Variants in KAZN observed in about 807,000 individuals in gnomAD.
The protein encoded by KAZN is kazrin, periplakin interacting protein.
Under a neutral mutation model 87.4 loss-of-function variants are expected in KAZN, and 40 were observed. That is an observed-to-expected ratio of 0.46 (90% CI 0.36 to 0.60). KAZN has a LOEUF of 0.60. KAZN is among the 20% of genes least tolerant of loss of function. KAZN has a pLI of 0.00. For synonymous variants in KAZN, 466 were observed against 458.3 expected (o/e 1.02, Z -0.22); for missense variants, 898 against 1,073.9 (o/e 0.84, Z 2.29).
At chr1:14,810,496 C>G (rs1417657860) in intron 1 of KAZN, among the ~76,000 whole-genome samples, 1 of 152,146 alleles carries the variant, frequency 6.6e-6, no homozygotes. Context: ...GAATGAATCT[C>G]AAAGTTCCAC....
chr1:13,919,851 A>G lies in KAZN; in HGVS notation c.91+26095A>G, dbSNP rs115191376. ...ATATTTCTCATAGGCCACCACACCC[A>G]GCCTATGTTATCTTTTAGAAGCTTT... is the stretch of plus-strand genomic sequence containing the variant. On this transcript the variant is annotated intron_variant, in intron 1 of 16. Transcript: ENST00000636203. 9.3e-4 allele frequency among the ~76,000 whole-genome samples: 142 copies of G among 152,288 alleles called. 1 individual carries two copies. Among genetic ancestry groups the G allele is most frequent in the Middle Eastern group, 6.8e-3 (2 of 294 alleles).
chr1:15,011,356 T>C (rs1573055806), intron 2 of KAZN, among the ~76,000 whole-genome samples: 1 of 152,334 alleles, frequency 6.6e-6, no homozygotes, highest in East Asian at 1.9e-4. Context: ...GCTTCCAAAA[T>C]GCTCAGGGGT....
intron 2 of KAZN, among the ~76,000 whole-genome samples, chr1:14,490,095 C>G (rs1669568483): frequency 6.6e-6 from 1 of 152,184 alleles, no homozygotes; most frequent in South Asian, 2.1e-4. Context: ...CATTCAGCAT[C>G]TTTTTGTGCT....
At chr1:14,109,937 G>A (rs1243698036) in intron 1 of KAZN, among the ~76,000 whole-genome samples, 1 of 89,168 alleles carries the variant, frequency 1.1e-5, no homozygotes, top group Non-Finnish European at 2.3e-5. Context: ...TTTCTCTATA[G>A]CCTATGTTAA....
chr1:14,473,221 A>C (rs1316850475), intron 2 of KAZN, among the ~76,000 whole-genome samples: 1 of 149,610 alleles, frequency 6.7e-6, no homozygotes, highest in Non-Finnish European at 1.5e-5. Flanking sequence ...CAGATTAACA[A>C]CAAATAACAA....
At chr1:14,976,504 C>T (rs1176800351) in intron 2 of KAZN, among the ~76,000 whole-genome samples, 2 of 152,208 alleles carry the variant, frequency 1.3e-5, no homozygotes, top group South Asian at 2.1e-4. Context: ...AGACTCAGGC[C>T]CTTCCGGCAG....
chr1:15,055,506 C>T (rs1674855193), intron 4 of KAZN, among the ~76,000 whole-genome samples: 1 of 151,926 alleles, frequency 6.6e-6, no homozygotes, highest in African/African-American at 2.4e-5. Flanking sequence ...TCTTGGAACC[C>T]CTCTATTTCT....
intron 2 of KAZN, among the ~76,000 whole-genome samples, chr1:14,499,459 T>C (rs982699801): frequency 4.6e-5 from 7 of 152,210 alleles, no homozygotes; most frequent in African/African-American, 1.7e-4. Context: ...ACAATTGCTG[T>C]CCTGCCTTTC....
At chr1:14,409,717 C>A (rs1664150568) in intron 2 of KAZN, among the ~76,000 whole-genome samples, 1 of 152,086 alleles carries the variant, frequency 6.6e-6, no homozygotes, top group African/African-American at 2.4e-5. Flanking sequence ...TACAAATGTA[C>A]AAGGAAAAAC....
chr1:14,757,821 T>G (rs1572406088), intron 1 of KAZN, among the ~76,000 whole-genome samples: 1 of 152,200 alleles, frequency 6.6e-6, no homozygotes, highest in African/African-American at 2.4e-5. Flanking sequence ...GAATTCATTT[T>G]CCTGATTGTC....
At chr1:14,428,896 A>AC (rs1218268065) in intron 2 of KAZN, among the ~76,000 whole-genome samples, 1 of 151,954 alleles carries the variant, frequency 6.6e-6, no homozygotes, top group Non-Finnish European at 1.5e-5. Context: ...ACACAGCCAA[A>AC]CCATATCGTT....
At position 14,320,005 on chromosome 1, in the gene KAZN, T is replaced by C. The variant is rs1655938545; in HGVS notation, c.249+139413T>C. Among the ~76,000 whole-genome samples, 4 of 152,338 alleles carry C rather than the reference T, an allele frequency of 2.6e-5. No homozygotes were observed. The South Asian group carries it at 8.3e-4, about 32-fold the overall frequency. On this transcript the variant is annotated intron_variant, in intron 2 of 16. Coordinates refer to the KAZN transcript ENST00000636203. ...TATTAAGGTCATCAAAGAATAACAATGATCAATGATCGGATGTTTATTACT... is the reference window on the plus strand; with the variant it reads ...TATTAAGGTCATCAAAGAATAACAACGATCAATGATCGGATGTTTATTACT...
intron 1 of KAZN, among the ~76,000 whole-genome samples, chr1:14,101,578 T>C (rs1221262521): frequency 6.6e-6 from 1 of 152,236 alleles, no homozygotes; most frequent in Non-Finnish European, 1.5e-5. Context: ...GAAGGTGTCG[T>C]GGATCATTTC....
At position 15,066,830 on chromosome 1, in the gene KAZN, C is replaced by T. The variant is rs1639257997; in HGVS notation, c.1222+1077C>T. 1 of 985,552 alleles carries T rather than the reference C, an allele frequency of 1.0e-6. No homozygotes were observed. The highest frequency in any genetic ancestry group is 1.2e-6 in the Non-Finnish European group (1 of 830,014). 61.1% of individuals were successfully genotyped at this position (985,552 alleles called of 1,614,324 possible). A position where few individuals can be genotyped will look rare whatever the true frequency, so the allele number is the denominator to read the frequency against. Reference sequence around the variant, plus strand: ...TCTCTCTCCTTCTCTCTCTGTCTCTCCCATTCTCCTGCCCATGCATGAAAG... The same window carrying T: ...TCTCTCTCCTTCTCTCTCTGTCTCTTCCATTCTCCTGCCCATGCATGAAAG... On this transcript the variant is annotated intron_variant, in intron 8 of 14. Transcript: ENST00000376030. The surrounding 1 kb of genome is among the most constrained non-coding windows in gnomAD (Gnocchi z 4.3).
At chr1:15,051,079 G>A (rs932418881) in intron 4 of KAZN, among the ~76,000 whole-genome samples, 6 of 152,226 alleles carry the variant, frequency 3.9e-5, no homozygotes, top group African/African-American at 1.2e-4. Context: ...TGTGCCATCC[G>A]CACAGGAGCA....
chr1:14,852,468 T>C (rs929440387), intron 1 of KAZN, among the ~76,000 whole-genome samples: 1 of 152,172 alleles, frequency 6.6e-6, no homozygotes, highest in South Asian at 2.1e-4. Context: ...AGCAGCTCTG[T>C]GATGTTCCCT....
At chr1:14,209,643 T>G (rs1325106381) in intron 2 of KAZN, among the ~76,000 whole-genome samples, 1 of 152,236 alleles carries the variant, frequency 6.6e-6, no homozygotes, top group East Asian at 1.9e-4. Flanking sequence ...CTACTAACAA[T>G]TTCTTATCTA....
At chr1:14,790,467 T>C (rs114326369) in intron 1 of KAZN, among the ~76,000 whole-genome samples, 1 of 152,208 alleles carries the variant, frequency 6.6e-6, no homozygotes, top group East Asian at 1.9e-4. Context: ...AAATTCACCA[T>C]TTTAAGTGTA....
At chr1:14,809,142 A>G (rs1222648645) in intron 1 of KAZN, among the ~76,000 whole-genome samples, 1 of 152,196 alleles carries the variant, frequency 6.6e-6, no homozygotes, top group East Asian at 1.9e-4. Flanking sequence ...GGCAAGGAGG[A>G]ATGGGACGCT....
Sources: gnomAD v4.1 joint callset for allele counts (sites outside exome capture counted in the v4.1 genomes callset) on GRCh38, gnomAD v4.1.1 for gene constraint, Gnocchi (gnomAD v3.1) non-coding constraint, MANE v1.5 for transcripts, NCBI Gene and HGNC (gene_info 2026-07-23, HGNC 2026-07-21) for gene names.